Variants in CCDC91 observed in about 807,000 individuals in gnomAD.
CCDC91 encodes coiled-coil domain containing 91.
In CCDC91, 48 loss-of-function variants were observed where a neutral mutation model predicts 63.2. The observed-to-expected ratio is 0.76, with a 90% CI of 0.60 to 0.97. CCDC91 has a LOEUF of 0.97. CCDC91 is among the 50% of genes least tolerant of loss of function. CCDC91 has a pLI of 0.00. For synonymous variants in CCDC91, 167 were observed against 165.8 expected (o/e 1.01, Z -0.06); for missense variants, 500 against 494.6 (o/e 1.01, Z -0.10).
At chr12:28,544,362 C>G (rs1458958674) in intron 12 of CCDC91, among the ~76,000 whole-genome samples, 1 of 151,858 alleles carries the variant, frequency 6.6e-6, no homozygotes, top group Non-Finnish European at 1.5e-5. Context: ...CTTTTCAAGT[C>G]TCTTAATTAC....
chr12:28,541,595 G>A (rs544524515), intron 12 of CCDC91, among the ~76,000 whole-genome samples: 15 of 152,064 alleles, frequency 9.9e-5, no homozygotes, highest in African/African-American at 3.6e-4. Context: ...CAGAAGTTGT[G>A]TTTGTTACTT....
intron 8 of CCDC91, among the ~76,000 whole-genome samples, chr12:28,408,822 T>C (rs1270907775): frequency 6.6e-6 from 1 of 152,050 alleles, no homozygotes; most frequent in African/African-American, 2.4e-5. Flanking sequence ...TTTGTGTTTT[T>C]ATCAGAGACA....
At chr12:28,211,410 A>G (rs1204633760) in intron 1 of CCDC91, among the ~76,000 whole-genome samples, 7 of 152,160 alleles carry the variant, frequency 4.6e-5, no homozygotes, top group Admixed American at 4.6e-4. Flanking sequence ...CATAGACATT[A>G]GCGAGTCTGC....
Position 28,281,160 on chromosome 12 carries a change from G to A in CCDC91, c.109+21718G>A, listed in dbSNP as rs572366847. The stretch of plus-strand genomic sequence containing the variant: ...AATGCTATTTAGTCTTAATAAATTT[G>A]GAAGTTTTTATTCATTAAGCAATTT... On this transcript the variant is annotated intron_variant, in intron 3 of 12. Coordinates refer to ENST00000536442, the MANE Select transcript of CCDC91 (RefSeq NM_018318.5). 2.6e-5 allele frequency among the ~76,000 whole-genome samples: 4 copies of A among 152,150 alleles called. No homozygotes were observed. The South Asian group carries it at 8.3e-4, about 32-fold the overall frequency.
rs187605324 is a variant in CCDC91 at position 28,298,222 on chromosome 12, C to A, written c.110-7427C>A. ...CAACTTTCTGAAAATTCCTCTGATGCCTCATAAATTGATAGTGCCTATGAA... is the reference window on the plus strand; with the variant it reads ...CAACTTTCTGAAAATTCCTCTGATGACTCATAAATTGATAGTGCCTATGAA... On this transcript the variant is annotated intron_variant, in intron 3 of 12. Transcript: ENST00000536442. 8.6e-5 allele frequency among the ~76,000 whole-genome samples: 13 copies of A among 151,842 alleles called. No individual in the cohort carries two copies. The East Asian group carries it at 2.5e-3, about 29-fold the overall frequency.
chr12:28,199,685 T>A (rs1942058184), intron 1 of CCDC91, among the ~76,000 whole-genome samples: 1 of 152,208 alleles, frequency 6.6e-6, no homozygotes, highest in South Asian at 2.1e-4. Flanking sequence ...CATAATTTCT[T>A]CATATTCAAA....
rs575365547 is a variant in CCDC91, at chr12:28,317,512, C to T, written c.576+9763C>T. ...TTTGTATACTGTTATTAAGCACTTA[C>T]GGGTGTCTGTGTCTCTAAGAATTGT... On this transcript the variant is annotated intron_variant, in intron 6 of 12. Coordinates refer to ENST00000536442, the MANE Select transcript of CCDC91 (RefSeq NM_018318.5). 1.1e-3 allele frequency among the ~76,000 whole-genome samples: 164 copies of T among 151,866 alleles called. 1 individual carries two copies. The highest frequency in any genetic ancestry group is 1.9e-3 in the Non-Finnish European group (126 of 67,876).
At chr12:28,366,346 G>A (rs182701234) in intron 7 of CCDC91, among the ~76,000 whole-genome samples, 89 of 152,196 alleles carry the variant, frequency 5.8e-4, no homozygotes, top group African/African-American at 2.0e-3. Flanking sequence ...AAATAGCAAT[G>A]GGCGTATAGA....
chr12:28,226,580 A>G (rs1944285323), intron 1 of CCDC91, among the ~76,000 whole-genome samples: 1 of 152,200 alleles, frequency 6.6e-6, no homozygotes, highest in South Asian at 2.1e-4. Context: ...ATCTTTATAG[A>G]AAATTATGAC....
intron 12 of CCDC91, among the ~76,000 whole-genome samples, chr12:28,503,265 G>T (rs567114316): frequency 6.6e-6 from 1 of 152,240 alleles, no homozygotes; most frequent in South Asian, 2.1e-4. Flanking sequence ...CCATCAAAAA[G>T]TGGGCGAAGG....
intron 6 of CCDC91, among the ~76,000 whole-genome samples, chr12:28,317,997 T>C (rs10743617): frequency 0.91 from 138,557 of 151,856 alleles, 64,453 homozygotes; most frequent in East Asian, 1. Context: ...CTCTGATTAG[T>C]AGTCAGCAAC....
intron 11 of CCDC91, among the ~76,000 whole-genome samples, chr12:28,470,189 C>T (rs1456325477): frequency 6.6e-6 from 1 of 151,976 alleles, no homozygotes; most frequent in African/African-American, 2.4e-5. Flanking sequence ...ACCCATCTGA[C>T]AAGAGATTAA....
In CCDC91 at chr12:28,309,097, G is replaced by A. The variant is rs553361078; in HGVS notation, c.576+1348G>A. ...TGCCTGTTGGAGGGGTATGGTCCAT[G>A]ATTCACTCACATATCTCTGCCTGGA... On this transcript the variant is annotated intron_variant, in intron 6 of 12. Transcript: ENST00000536442. Among the ~76,000 whole-genome samples the A allele has an allele frequency of 2.0e-5, 3 of 152,090 alleles. No homozygotes were observed. In the South Asian group the frequency reaches 6.2e-4, roughly 32 times the overall value.
chr12:28,294,652 T>A (rs985155706), intron 3 of CCDC91, among the ~76,000 whole-genome samples: 2 of 152,140 alleles, frequency 1.3e-5, no homozygotes, highest in African/African-American at 4.8e-5. Context: ...TGGCACGATT[T>A]CGGCTCACTG....
intron 8 of CCDC91, among the ~76,000 whole-genome samples, chr12:28,414,510 A>G (rs956695988): frequency 6.6e-6 from 1 of 152,154 alleles, no homozygotes; most frequent in Non-Finnish European, 1.5e-5. Flanking sequence ...TAAACATTTT[A>G]TTTTTGAATC....
chr12:28,251,087 A>G (rs1946091742), intron 1 of CCDC91, among the ~76,000 whole-genome samples: 1 of 152,092 alleles, frequency 6.6e-6, no homozygotes, highest in Non-Finnish European at 1.5e-5. Context: ...GGCATTAAAC[A>G]GGATCAAATG....
intron 12 of CCDC91, among the ~76,000 whole-genome samples, chr12:28,525,314 A>T (rs1332052070): frequency 2.0e-5 from 3 of 152,082 alleles, no homozygotes; most frequent in Non-Finnish European, 4.4e-5. Context: ...ATTGTCATTC[A>T]GTTCGAAGAG....
intron 11 of CCDC91, among the ~76,000 whole-genome samples, chr12:28,463,968 G>A (rs1308352704): frequency 1.3e-5 from 2 of 152,144 alleles, no homozygotes; most frequent in Non-Finnish European, 2.9e-5. Flanking sequence ...CACTGAAGAT[G>A]TAGGCAAAAC....
intron 1 of CCDC91, among the ~76,000 whole-genome samples, chr12:28,233,586 T>C (rs926817334): frequency 6.6e-6 from 1 of 152,166 alleles, no homozygotes; most frequent in African/African-American, 2.4e-5. Context: ...ACTTTGAATA[T>C]TGAATATTGG....
Sources: gnomAD v4.1 joint callset for allele counts (sites outside exome capture counted in the v4.1 genomes callset) on GRCh38, gnomAD v4.1.1 for gene constraint, MANE v1.5 for transcripts, NCBI Gene and HGNC (gene_info 2026-07-23, HGNC 2026-07-21) for gene names.